KIAA1671: variants seen among roughly 807,000 people sequenced by gnomAD.
KIAA1671 encodes KIAA1671, also known as uncharacterized protein KIAA1671.
In KIAA1671, 52 loss-of-function variants were observed where a neutral mutation model predicts 131.2. The ratio of observed to expected loss-of-function variants is 0.40; its 90% confidence interval spans 0.32 to 0.50. The LOEUF (loss-of-function observed/expected upper bound fraction) is 0.50, where lower values mean the gene tolerates loss of function less well. Ranked by LOEUF, KIAA1671 falls within the 20% of genes least tolerant of loss-of-function variation. The probability of loss-of-function intolerance (pLI) is 0.73; values close to 1 mark genes in which losing one functional copy is unlikely to be tolerated. For missense variants in KIAA1671, 2,360 were observed against 2,364.2 expected, an observed-to-expected ratio of 1.00 and a Z score of 0.04; for synonymous variants, 1,003 against 961.6, an observed-to-expected ratio of 1.04 and a Z score of -0.80.
chr22:25,048,579 A>T (rs1927365640), intron 5 of KIAA1671, among the ~76,000 whole-genome samples: 1 of 151,912 alleles, frequency 6.6e-6, no homozygotes, highest in Non-Finnish European at 1.5e-5. Flanking sequence ...ACGCAGGGAG[A>T]GTGTGAAGCA....
At chr22:24,977,460 C>T (rs1402524506) in intron 1 of KIAA1671, among the ~76,000 whole-genome samples, 1 of 152,224 alleles carries the variant, frequency 6.6e-6, no homozygotes, top group Non-Finnish European at 1.5e-5. Context: ...ACAGCTGCCT[C>T]CTGGTAGCAG....
chr22:25,046,443 T>C (rs924157631), intron 5 of KIAA1671, among the ~76,000 whole-genome samples: 1 of 152,204 alleles, frequency 6.6e-6, no homozygotes, highest in Non-Finnish European at 1.5e-5. Flanking sequence ...TCCCTTCCTC[T>C]CTTTTTCTCT....
At chr22:25,018,344 C>T (rs1350006520) in intron 1 of KIAA1671, among the ~76,000 whole-genome samples, 1 of 151,862 alleles carries the variant, frequency 6.6e-6, no homozygotes, top group East Asian at 1.9e-4. Flanking sequence ...GCATTTGGTT[C>T]CCGTTATGTT....
chr22:25,192,813 C>T lies in KIAA1671; in HGVS notation c.*412C>T, dbSNP rs557901258. ...GCATTTGTGAAAGCACCTCCTCACC[C>T]GACCCCGGGGCAGGTCTTTTTTTGG... On this transcript the variant is annotated 3_prime_UTR_variant, in exon 13 of 13. Transcript: ENST00000358431. 1.3e-5 allele frequency: 2 copies of T among 152,276 alleles called. No homozygotes were observed. The highest frequency in any genetic ancestry group is 6.5e-5 in the Admixed American group (1 of 15,288). The allele number at this position is 152,276 out of a possible 1,614,324, so 9.4% of individuals were successfully genotyped here. A position where few individuals can be genotyped will look rare whatever the true frequency, so the allele number is the denominator to read the frequency against.
chr22:25,115,013 C>T (rs1931581752), intron 6 of KIAA1671, among the ~76,000 whole-genome samples: 1 of 152,214 alleles, frequency 6.6e-6, no homozygotes, highest in South Asian at 2.1e-4. Context: ...CAAAATAACC[C>T]TCAAAGGCGT....
chr22:25,086,484 T>C lies in KIAA1671; in HGVS notation c.4530+37120T>C, dbSNP rs115366535. Among the ~76,000 whole-genome samples the C allele has an allele frequency of 2.1e-3, 316 of 152,320 alleles. 2 individuals are homozygous for C. Among genetic ancestry groups the C allele is most frequent in the African/African-American group, 7.2e-3 (301 of 41,558 alleles). On this transcript the variant is annotated intron_variant, in intron 6 of 12. Transcript: ENST00000358431. ...TTCTTGAGGAGAGGAATGTATCTCGTTCATCTTTTCCCTCAGATCCTAATG... is the reference window on the plus strand; with the variant it reads ...TTCTTGAGGAGAGGAATGTATCTCGCTCATCTTTTCCCTCAGATCCTAATG...
intron 2 of KIAA1671, 42 bp from the exon 3 acceptor site, chr22:25,027,903 C>T (rs2123901337): frequency 4.1e-6 from 4 of 986,624 alleles, no homozygotes; most frequent in Non-Finnish European, 5.9e-6. Context: ...CAGACACTGA[C>T]TGTTTTCCAA....
chr22:25,088,877 T>TGC (rs1555877224), intron 6 of KIAA1671, among the ~76,000 whole-genome samples: 2 of 151,122 alleles, frequency 1.3e-5, no homozygotes, highest in African/African-American at 4.9e-5. Flanking sequence ...TGTACATATG[T>TGC]ACACACACAC....
At chr22:25,019,674 A>C (rs1216285574) in intron 1 of KIAA1671, among the ~76,000 whole-genome samples, 1 of 127,030 alleles carries the variant, frequency 7.9e-6, no homozygotes, top group Non-Finnish European at 1.6e-5. Context: ...TATTGTCATG[A>C]CCTTGAATAC....
intron 6 of KIAA1671, among the ~76,000 whole-genome samples, chr22:25,142,180 G>A (rs544778019): frequency 6.6e-6 from 1 of 152,246 alleles, no homozygotes; most frequent in Admixed American, 6.5e-5. Context: ...AGGGGTTGGG[G>A]GCACTGTGTA....
chr22:25,186,925 A>G (rs908381285), intron 11 of KIAA1671, among the ~76,000 whole-genome samples: 4 of 152,198 alleles, frequency 2.6e-5, no homozygotes, highest in Admixed American at 6.5e-5. Context: ...AGAAACCCCC[A>G]GACTAGGGCC....
At chr22:24,954,741 G>T (rs1342515421) in intron 1 of KIAA1671, among the ~76,000 whole-genome samples, 1 of 152,110 alleles carries the variant, frequency 6.6e-6, no homozygotes, top group South Asian at 2.1e-4. Context: ...CCCACTGGAG[G>T]TCCTAGGGGC....
chr22:25,074,586 TGTGC>T (rs1362924761), intron 6 of KIAA1671, among the ~76,000 whole-genome samples: 1 of 147,588 alleles, frequency 6.8e-6, no homozygotes. Flanking sequence ...TATGTGTGTG[TGTGC>T]GTGTATATAT....
At chr22:24,998,412 C>CA (rs1686736739) in intron 1 of KIAA1671, among the ~76,000 whole-genome samples, 1 of 151,584 alleles carries the variant, frequency 6.6e-6, no homozygotes, top group South Asian at 2.1e-4. Flanking sequence ...GACCCTGTCT[C>CA]AAAAAAATAA....
intron 5 of KIAA1671, among the ~76,000 whole-genome samples, chr22:25,043,001 A>AT (rs1927032560): frequency 6.6e-6 from 1 of 151,520 alleles, no homozygotes; most frequent in South Asian, 2.1e-4. Flanking sequence ...GGTCATGAAC[A>AT]TTCAGACTTT....
chr22:25,190,441 A>G (rs1379779886), intron 11 of KIAA1671, among the ~76,000 whole-genome samples: 1 of 152,186 alleles, frequency 6.6e-6, no homozygotes, highest in Non-Finnish European at 1.5e-5. Context: ...CTTGTTCCTA[A>G]CAGGCCATGG....
At chr22:25,117,626 CACACACACACAG>C (rs1931740707) in intron 6 of KIAA1671, among the ~76,000 whole-genome samples, 1 of 151,442 alleles carries the variant, frequency 6.6e-6, no homozygotes, top group Non-Finnish European at 1.5e-5. Context: ...CACACACACA[CACACACACACAG>C]ACACACTGCT....
At chr22:25,164,477 G>C (rs1933569865) in intron 6 of KIAA1671, among the ~76,000 whole-genome samples, 1 of 152,210 alleles carries the variant, frequency 6.6e-6, no homozygotes, top group African/African-American at 2.4e-5. Flanking sequence ...GATAAATGGA[G>C]ACCAATTCAG....
At chr22:25,177,219 C>T in intron 8 of KIAA1671, 129 bp from the exon 9 acceptor site, 1 of 840,576 alleles carries the variant, frequency 1.2e-6, no homozygotes, top group Non-Finnish European at 1.8e-6. Flanking sequence ...AATGTGGAAG[C>T]CCTGGCCTAG....
Sources: allele counts gnomAD v4.1 joint callset (sites outside exome capture counted in the v4.1 genomes callset), GRCh38; gene constraint gnomAD v4.1.1; transcripts MANE v1.5; gene names NCBI Gene and HGNC (gene_info 2026-07-23, HGNC 2026-07-21).